FAM20C: variants seen among roughly 807,000 people sequenced by gnomAD.
The protein encoded by FAM20C is extracellular serine/threonine protein kinase FAM20C.
In FAM20C, 40 loss-of-function variants were observed where a neutral mutation model predicts 51.5. The observed-to-expected ratio is 0.78, with a 90% CI of 0.60 to 1.01. FAM20C has a LOEUF of 1.01. Among genes scored for constraint, FAM20C ranks in the 50% least tolerant of loss-of-function variants. The pLI is 0.00. For synonymous variants in FAM20C, 406 were observed against 380.6 expected (o/e 1.07, Z -0.78); for missense variants, 861 against 844.7 (o/e 1.02, Z -0.24).
intron 3 of FAM20C, among the ~76,000 whole-genome samples, chr7:234,841 C>T (rs1431664380): frequency 1.3e-5 from 2 of 152,188 alleles, no homozygotes; most frequent in Non-Finnish European, 2.9e-5. Flanking sequence ...CCTGCCGTTT[C>T]TCCGAGATGA....
chr7:229,744 G>A (rs1203932381), intron 3 of FAM20C, among the ~76,000 whole-genome samples: 2 of 152,204 alleles, frequency 1.3e-5, no homozygotes, highest in Non-Finnish European at 2.9e-5. Flanking sequence ...TCTGCCGGCT[G>A]AAAGCCTGGT....
intron 3 of FAM20C, among the ~76,000 whole-genome samples, chr7:216,644 TGTGTGTGAGTGTGTGTGTGAGAGACAGA>T (rs1786984189): frequency 7.2e-6 from 1 of 138,230 alleles, no homozygotes; most frequent in African/African-American, 3.3e-5. Context: ...TGTGTGTGAG[TGTGTGTGAGTGTGTGTGTGAGAGACAGA>T]GTGTGTGTGA....
At chr7:246,250 C>A in intron 3 of FAM20C, 165 bp from the exon 4 acceptor site, 2 of 631,288 alleles carry the variant, frequency 3.2e-6, no homozygotes, top group Non-Finnish European at 5.6e-6. Context: ...TCTGAGGGCC[C>A]GTCGGCAGCT....
At chr7:232,256 G>A (rs1013494030) in intron 3 of FAM20C, among the ~76,000 whole-genome samples, 7 of 152,332 alleles carry the variant, frequency 4.6e-5, no homozygotes, top group East Asian at 1.9e-4. Context: ...GGTGGGAGTC[G>A]GTGGCCCTGG....
intron 3 of FAM20C, among the ~76,000 whole-genome samples, chr7:237,485 G>A (rs1787881015): frequency 6.6e-6 from 1 of 152,152 alleles, no homozygotes; most frequent in Non-Finnish European, 1.5e-5. Context: ...GATAGTGATG[G>A]TGATGATGGA....
intron 1 of FAM20C, 29 bp from the exon 2 acceptor site, chr7:195,525 C>T: frequency 1.3e-6 from 2 of 1,497,594 alleles, no homozygotes; most frequent in Non-Finnish European, 1.8e-6. Context: ...TCTTTCCATG[C>T]TGATGTTCGT....
At chr7:194,724 G>A (rs1242468332) in intron 1 of FAM20C, among the ~76,000 whole-genome samples, 1 of 152,078 alleles carries the variant, frequency 6.6e-6, no homozygotes, top group Non-Finnish European at 1.5e-5. Context: ...GCTCTCGGCA[G>A]GGAGAGACGG....
chr7:258,878 C>T (rs74191879), intron 9 of FAM20C, among the ~76,000 whole-genome samples, 173 bp downstream of exon 9: 9 of 151,932 alleles, frequency 5.9e-5, no homozygotes, highest in Non-Finnish European at 8.8e-5. Context: ...GGCCTGGAGG[C>T]GCAGACCTCA....
At position 193,096 on chromosome 7, in the gene FAM20C, C is replaced by A; in HGVS notation, c.-104C>A. 2 of 1,088,536 alleles carry A rather than the reference C, an allele frequency of 1.8e-6. No homozygotes were observed. The highest frequency in any genetic ancestry group is 2.4e-6 in the Non-Finnish European group (2 of 842,500). 67.4% of individuals were successfully genotyped at this position (1,088,536 alleles called of 1,614,324 possible). A position where few individuals can be genotyped will look rare whatever the true frequency, so the allele number is the denominator to read the frequency against. ...CCCCGGAGCTGGTAGCCGCCCGGCA[C>A]CGATGGACCTTGACCCGCGAGGCGG... On this transcript the variant is annotated 5_prime_UTR_variant, in exon 1 of 10. Transcript: ENST00000313766.
intron 3 of FAM20C, among the ~76,000 whole-genome samples, chr7:241,907 A>T (rs1453005481): frequency 6.6e-6 from 1 of 151,648 alleles, no homozygotes; most frequent in African/African-American, 2.4e-5. Context: ...TCATGTGTGC[A>T]TGTGCACACG....
At chr7:223,033 G>A (rs971556395) in intron 3 of FAM20C, among the ~76,000 whole-genome samples, 2 of 52,776 alleles carry the variant, frequency 3.8e-5, no homozygotes, top group Admixed American at 2.7e-4. Context: ...CCGTGCATGT[G>A]TATGTGAGGG....
chr7:207,334 G>A (rs367996859), intron 2 of FAM20C, among the ~76,000 whole-genome samples: 15 of 113,810 alleles, frequency 1.3e-4, no homozygotes, highest in Admixed American at 1.2e-3. Flanking sequence ...CTGTCCCCTC[G>A]GCCCCGCACA....
At chr7:251,473 G>A (rs961967777) in intron 5 of FAM20C, among the ~76,000 whole-genome samples, 1 of 151,994 alleles carries the variant, frequency 6.6e-6, no homozygotes, top group Non-Finnish European at 1.5e-5. Context: ...AGCTATGATC[G>A]GGCACCACTG....
chr7:232,011 C>T (rs1787709850), intron 3 of FAM20C, among the ~76,000 whole-genome samples: 1 of 152,196 alleles, frequency 6.6e-6, no homozygotes, highest in Admixed American at 6.5e-5. Flanking sequence ...ACCCGGCATC[C>T]GTTCCGTCGG....
At chr7:226,445 G>A (rs529806081) in intron 3 of FAM20C, among the ~76,000 whole-genome samples, 11 of 152,286 alleles carry the variant, frequency 7.2e-5, no homozygotes, top group South Asian at 2.1e-4. Flanking sequence ...GAGTCCCAGC[G>A]CTTACCAGCC....
chr7:218,408 C>G (rs1180729092), intron 3 of FAM20C, among the ~76,000 whole-genome samples: 1 of 152,238 alleles, frequency 6.6e-6, no homozygotes, highest in Non-Finnish European at 1.5e-5. Context: ...CTCAGTTCAC[C>G]CGCACTGACC....
chr7:233,191 C>T (rs1052422366), intron 3 of FAM20C, among the ~76,000 whole-genome samples: 5 of 152,318 alleles, frequency 3.3e-5, no homozygotes, highest in Admixed American at 2.6e-4. Flanking sequence ...GAGGACGCGT[C>T]GCCTGGCCCG....
chr7:247,832 C>T lies in FAM20C; in HGVS notation c.957-483C>T, dbSNP rs946362385. Among the ~76,000 whole-genome samples the T allele has an allele frequency of 2.6e-5, 4 of 152,268 alleles. No individual in the cohort carries two copies. The East Asian group carries it at 5.8e-4, about 22-fold the overall frequency. On this transcript the variant is annotated intron_variant, in intron 4 of 9. Coordinates refer to ENST00000313766, the MANE Select transcript of FAM20C (RefSeq NM_020223.4). ...CGTGGTCGGGCCTTGGGTCCCGGGT[C>T]GGCCCTGGCAGACGGCCCACGTCCC...
At chr7:229,884 G>T (rs1562385049) in intron 3 of FAM20C, among the ~76,000 whole-genome samples, 2 of 152,130 alleles carry the variant, frequency 1.3e-5, no homozygotes, top group Non-Finnish European at 2.9e-5. Context: ...CAGGGATCTA[G>T]TGTGTTTGGA....
Sources: allele counts gnomAD v4.1 joint callset (sites outside exome capture counted in the v4.1 genomes callset), GRCh38; gene constraint gnomAD v4.1.1; transcripts MANE v1.5; gene names NCBI Gene and HGNC (gene_info 2026-07-23, HGNC 2026-07-21).